Variants in GMDS observed in about 807,000 individuals in gnomAD.
The protein encoded by GMDS is GDP-mannose 4,6 dehydratase.
A neutral mutation model predicts 49.9 loss-of-function variants in GMDS; 20 were observed. The observed-to-expected ratio is 0.40, with a 90% confidence interval of 0.28 to 0.58. The LOEUF is 0.58. Among genes scored for constraint, GMDS ranks in the 20% least tolerant of loss-of-function variants. The pLI, the probability that GMDS is intolerant of heterozygous loss-of-function variation, is 0.42. For missense variants in GMDS, 362 were observed against 481.4 expected, an observed-to-expected ratio of 0.75 and a Z score of 2.32; for synonymous variants, 177 against 178.6, an observed-to-expected ratio of 0.99 and a Z score of 0.07.
At chr6:1,983,793 A>G (rs1002574030) in intron 4 of GMDS, among the ~76,000 whole-genome samples, 10 of 152,192 alleles carry the variant, frequency 6.6e-5, no homozygotes, top group Non-Finnish European at 1.3e-4. Context: ...TAGTTCAACC[A>G]TTGTGGAAGA....
In GMDS at chr6:1,836,640, T is replaced by C. The variant is rs1452012511; in HGVS notation, c.771+93463A>G. 6.6e-6 allele frequency among the ~76,000 whole-genome samples: 1 copy of C among 152,194 alleles called. No homozygotes were observed. Among genetic ancestry groups the C allele is most frequent in the Non-Finnish European group, 1.5e-5 (1 of 68,030 alleles). On this transcript the variant is annotated intron_variant, in intron 7 of 10. Coordinates refer to ENST00000380815, the MANE Select transcript of GMDS (RefSeq NM_001500.4). This position sits in a 1 kb window ranked among gnomAD's most constrained non-coding sequence, Gnocchi z 4.2. ...ACGAAAATAGTCCATAAAAGGGAGA[T>C]TGGGTAGAAGCGGCTGATGAACTGG...
At chr6:1,708,285 T>C (rs1765811845) in intron 9 of GMDS, among the ~76,000 whole-genome samples, 1 of 152,200 alleles carries the variant, frequency 6.6e-6, no homozygotes. Flanking sequence ...TCCCGACACT[T>C]GAGACGTCAC....
At position 1,833,489 on chromosome 6, in the gene GMDS, G is replaced by A. The variant is rs920169601; in HGVS notation, c.772-90903C>T. Among the ~76,000 whole-genome samples the A allele has an allele frequency of 3.9e-5, 6 of 151,926 alleles. No homozygotes were observed. The highest frequency in any genetic ancestry group is 7.4e-5 in the Non-Finnish European group (5 of 67,984). On this transcript the variant is annotated intron_variant, in intron 7 of 10. Transcript: ENST00000380815. This position sits in a 1 kb window ranked among gnomAD's most constrained non-coding sequence, Gnocchi z 4.4. ...AGGTGAAATCTAAATCCTGAATGCA[G>A]CACACATTTTTAAAACTTTTTTTTT...
intron 7 of GMDS, among the ~76,000 whole-genome samples, chr6:1,839,718 C>T (rs1757074518): frequency 6.6e-6 from 1 of 152,168 alleles, no homozygotes; most frequent in East Asian, 1.9e-4. Flanking sequence ...TCACAATGAG[C>T]TCTGTCAGGC....
chr6:2,098,353 C>A (rs1773731076), intron 4 of GMDS, among the ~76,000 whole-genome samples: 1 of 152,168 alleles, frequency 6.6e-6, no homozygotes, highest in Admixed American at 6.5e-5. Context: ...CCACCGCGCC[C>A]AGCCACATAA....
chr6:1,650,409 TG>T (rs1217597220), intron 9 of GMDS, among the ~76,000 whole-genome samples: 1 of 152,136 alleles, frequency 6.6e-6, no homozygotes, highest in Non-Finnish European at 1.5e-5. Flanking sequence ...TCAGATGGCT[TG>T]GTACAGTGGC....
intron 8 of GMDS, among the ~76,000 whole-genome samples, chr6:1,739,071 T>G (rs1293750340): frequency 3.3e-5 from 5 of 152,242 alleles, no homozygotes; most frequent in Admixed American, 6.5e-5. Flanking sequence ...GAGGATAACC[T>G]GGGAAGGAGA....
chr6:1,942,213 C>T (rs1467291217), intron 6 of GMDS, among the ~76,000 whole-genome samples: 1 of 152,152 alleles, frequency 6.6e-6, no homozygotes, highest in Non-Finnish European at 1.5e-5. Context: ...CCCAGTAGCC[C>T]GGGAGTCCTC....
chr6:1,897,816 T>C (rs1465769567), intron 7 of GMDS, among the ~76,000 whole-genome samples: 1 of 152,236 alleles, frequency 6.6e-6, no homozygotes, highest in African/African-American at 2.4e-5. Context: ...TCCCTCGACA[T>C]GACCTGTCCA....
chr6:2,034,852 G>T (rs921399749), intron 4 of GMDS, among the ~76,000 whole-genome samples: 1 of 152,198 alleles, frequency 6.6e-6, no homozygotes, highest in Non-Finnish European at 1.5e-5. Context: ...GCAGATAGGA[G>T]AAGCCAGCCA....
chr6:1,631,499 C>G (rs377749677), intron 9 of GMDS, among the ~76,000 whole-genome samples: 1 of 151,970 alleles, frequency 6.6e-6, no homozygotes, highest in South Asian at 2.1e-4. Context: ...AAATGTCCCC[C>G]CCTCCGCCCC....
intron 4 of GMDS, among the ~76,000 whole-genome samples, chr6:2,102,758 T>C (rs1773998071): frequency 6.6e-6 from 1 of 152,250 alleles, no homozygotes; most frequent in Non-Finnish European, 1.5e-5. Flanking sequence ...GAAATGTTTA[T>C]GTAATTGTGA....
chr6:2,159,398 T>C (rs1300760235), intron 1 of GMDS, among the ~76,000 whole-genome samples: 1 of 152,120 alleles, frequency 6.6e-6, no homozygotes, highest in African/African-American at 2.4e-5. Flanking sequence ...TTTAACGTTT[T>C]ATGATAGATT....
intron 4 of GMDS, among the ~76,000 whole-genome samples, chr6:2,105,724 T>C (rs1774205715): frequency 6.6e-6 from 1 of 152,160 alleles, no homozygotes; most frequent in African/African-American, 2.4e-5. Flanking sequence ...CTGGCACCAA[T>C]GAAATATATG....
At chr6:1,888,194 C>T (rs1366989146) in intron 7 of GMDS, among the ~76,000 whole-genome samples, 1 of 148,906 alleles carries the variant, frequency 6.7e-6, no homozygotes, top group Non-Finnish European at 1.5e-5. Flanking sequence ...TGGTCTCAAA[C>T]TCCTGGGCTC....
intron 7 of GMDS, among the ~76,000 whole-genome samples, chr6:1,904,271 A>AG (rs1760643999): frequency 6.6e-6 from 1 of 152,182 alleles, no homozygotes; most frequent in Non-Finnish European, 1.5e-5. Flanking sequence ...TGATTGTGGC[A>AG]GGGTAGGAAG....
chr6:1,927,045 GC>G (rs1762043166), intron 7 of GMDS, among the ~76,000 whole-genome samples: 1 of 102,728 alleles, frequency 9.7e-6, no homozygotes, highest in Non-Finnish European at 2.3e-5. Flanking sequence ...TCAGAGGGTA[GC>G]GTGTTGATGT....
At chr6:1,673,443 G>A (rs1305905499) in intron 9 of GMDS, among the ~76,000 whole-genome samples, 1 of 151,432 alleles carries the variant, frequency 6.6e-6, no homozygotes, top group East Asian at 1.9e-4. Context: ...AGAAAGTACA[G>A]AGAGTTCTCA....
At chr6:1,887,109 A>G (rs531336571) in intron 7 of GMDS, among the ~76,000 whole-genome samples, 16 of 152,356 alleles carry the variant, frequency 1.1e-4, no homozygotes, top group African/African-American at 2.9e-4. Context: ...CAAACCCATG[A>G]AAGTCTGTTG....
Sources: gnomAD v4.1 joint callset for allele counts (sites outside exome capture counted in the v4.1 genomes callset) on GRCh38, gnomAD v4.1.1 for gene constraint, Gnocchi (gnomAD v3.1) non-coding constraint, MANE v1.5 for transcripts, NCBI Gene and HGNC (gene_info 2026-07-23, HGNC 2026-07-21) for gene names.